Variants in GALNT14 observed in about 807,000 individuals in gnomAD.
GALNT14 encodes polypeptide N-acetylgalactosaminyltransferase 14.
Under a neutral mutation model 77.5 loss-of-function variants are expected in GALNT14, and 60 were observed. That is an observed-to-expected ratio of 0.77 (90% CI 0.63 to 0.96). The LOEUF is 0.96. Ranked by LOEUF, GALNT14 falls within the 40% of genes least tolerant of loss-of-function variation. GALNT14 has a pLI of 0.00. For synonymous variants in GALNT14, 280 were observed against 281.7 expected (o/e 0.99, Z 0.06); for missense variants, 710 against 731.0 (o/e 0.97, Z 0.33).
chr2:31,067,734 CACT>C (rs1675074230), intron 1 of GALNT14, among the ~76,000 whole-genome samples: 1 of 152,178 alleles, frequency 6.6e-6, no homozygotes, highest in Non-Finnish European at 1.5e-5. Flanking sequence ...CTGCTTCTAC[CACT>C]ATCAGCTCAC....
intron 1 of GALNT14, among the ~76,000 whole-genome samples, chr2:31,119,435 C>T (rs1678274841): frequency 6.6e-6 from 1 of 152,100 alleles, no homozygotes; most frequent in Non-Finnish European, 1.5e-5. Context: ...GGGCAAGATC[C>T]TTACATGCAA....
chr2:30,992,451 A>C (rs1365209229), intron 2 of GALNT14, among the ~76,000 whole-genome samples: 1 of 152,140 alleles, frequency 6.6e-6, no homozygotes, highest in African/African-American at 2.4e-5. Flanking sequence ...CCCAGGGTCC[A>C]ATCATCCTGC....
chr2:30,938,597 T>C (rs1007156434), intron 9 of GALNT14, among the ~76,000 whole-genome samples: 10 of 152,254 alleles, frequency 6.6e-5, no homozygotes, highest in Admixed American at 6.5e-4. Context: ...AATGCACATG[T>C]AATGATCAAA....
intron 2 of GALNT14, among the ~76,000 whole-genome samples, chr2:30,973,915 A>G (rs1277238415): frequency 2.0e-5 from 3 of 152,250 alleles, no homozygotes; most frequent in African/African-American, 7.2e-5. Context: ...TGAACATATT[A>G]TTAATTCCAG....
At position 30,932,094 on chromosome 2, in the gene GALNT14, AG is replaced by A; in HGVS notation, c.1031del (p.Pro344LeufsTer9). On this transcript the variant is annotated frameshift_variant, in exon 10 of 15. Coordinates refer to ENST00000349752, the MANE Select transcript of GALNT14 (RefSeq NM_024572.4). LOFTEE classifies it high-confidence loss of function. ...TTATATACGTGTTGGCATTTCCATC[AG>A]GGAAAACGTAGGGGTGCTTCTTCCG... ...VFRKKHPYVFPDGNANTYIKN... is the reference protein window; with the variant it reads ...VFRKKHPYVFXDGNANTYIKN... 1 of 1,574,818 alleles carries A rather than the reference AG, an allele frequency of 6.3e-7. No individual in the cohort carries two copies. Among genetic ancestry groups the A allele is most frequent in the Non-Finnish European group, 8.6e-7 (1 of 1,160,006 alleles).
intron 2 of GALNT14, among the ~76,000 whole-genome samples, chr2:30,969,448 T>C (rs182752898): frequency 6.6e-6 from 1 of 152,314 alleles, no homozygotes; most frequent in African/African-American, 2.4e-5. Flanking sequence ...GAGAGTTATC[T>C]CCTTTGAGAG....
chr2:31,020,477 G>A (rs1671649154), intron 1 of GALNT14, among the ~76,000 whole-genome samples: 1 of 152,210 alleles, frequency 6.6e-6, no homozygotes, highest in African/African-American at 2.4e-5. Context: ...AAAGTTGGGA[G>A]TGGGGCACAG....
intron 1 of GALNT14, among the ~76,000 whole-genome samples, chr2:31,108,757 G>T (rs1677690427): frequency 6.6e-6 from 1 of 152,206 alleles, no homozygotes; most frequent in Non-Finnish European, 1.5e-5. Flanking sequence ...GCTCTGTGAT[G>T]GCTGTCATGG....
rs181571733 is a variant in GALNT14 at position 30,946,283 on chromosome 2, A to T, written c.655-413T>A. The stretch of plus-strand genomic sequence containing the variant: ...CGGTTTGGATCTGTGTCCCCAATCA[A>T]ATCTCATGTCAAATTGCAGTCCCCA... On this transcript the variant is annotated intron_variant, in intron 6 of 14. Transcript: ENST00000349752. Among the ~76,000 whole-genome samples the T allele has an allele frequency of 2.2e-3, 331 of 152,298 alleles. 1 individual carries two copies. Among genetic ancestry groups the T allele is most frequent in the Non-Finnish European group, 4.0e-3 (271 of 68,014 alleles).
At chr2:31,110,347 C>T (rs1401790807) in intron 1 of GALNT14, among the ~76,000 whole-genome samples, 1 of 152,178 alleles carries the variant, frequency 6.6e-6, no homozygotes, top group African/African-American at 2.4e-5. Context: ...ATTCCAAAGG[C>T]TATGACTTCC....
intron 11 of GALNT14, among the ~76,000 whole-genome samples, chr2:30,925,121 G>C (rs1250738179): frequency 6.6e-6 from 1 of 152,204 alleles, no homozygotes; most frequent in African/African-American, 2.4e-5. Context: ...AAACAAAGCT[G>C]CAAGAACATT....
At chr2:31,009,426 T>C (rs1001447789) in intron 1 of GALNT14, among the ~76,000 whole-genome samples, 11 of 152,172 alleles carry the variant, frequency 7.2e-5, no homozygotes, top group South Asian at 2.1e-4. Context: ...TGATTTCTCA[T>C]TGTTGGAAGT....
At chr2:30,934,111 T>C (rs1300489931) in intron 9 of GALNT14, among the ~76,000 whole-genome samples, 1 of 152,180 alleles carries the variant, frequency 6.6e-6, no homozygotes, top group Non-Finnish European at 1.5e-5. Context: ...CTCCATAAAG[T>C]CCCACTGTAC....
At chr2:30,896,664 A>T in the GALNT14 span, among the ~76,000 whole-genome samples, 4 of 152,280 alleles carry the variant, frequency 2.6e-5, no homozygotes, top group Admixed American at 2.6e-4. Context: ...TGTGTTTTGC[A>T]ATTAAGAAAT....
chr2:31,089,363 G>T (rs543606966), intron 1 of GALNT14, among the ~76,000 whole-genome samples: 23 of 152,200 alleles, frequency 1.5e-4, no homozygotes, highest in African/African-American at 4.8e-4. Flanking sequence ...ATGCTGAGGA[G>T]GCTTAATAAT....
At chr2:30,911,089 C>G in intron 14 of GALNT14, 30 bp from the exon 15 acceptor site, 1 of 1,606,076 alleles carries the variant, frequency 6.2e-7, no homozygotes, top group Non-Finnish European at 8.5e-7. Context: ...AGTGAATGAA[C>G]TAGGTGCCAT....
chr2:30,966,407 G>A (rs892484160), intron 2 of GALNT14, 105 bp from the exon 3 acceptor site: 2 of 767,966 alleles, frequency 2.6e-6, no homozygotes, highest in African/African-American at 3.4e-5. Flanking sequence ...CCAGATGCTT[G>A]ATATCTAGAA....
At chr2:31,107,817 C>T (rs1194672274) in intron 1 of GALNT14, among the ~76,000 whole-genome samples, 1 of 151,998 alleles carries the variant, frequency 6.6e-6, no homozygotes, top group East Asian at 1.9e-4. Flanking sequence ...CAACATGGTG[C>T]TTTCCATGGT....
At chr2:31,065,347 C>T (rs1674874442) in intron 1 of GALNT14, 1 of 152,170 alleles carries the variant, frequency 6.6e-6, no homozygotes, top group African/African-American at 2.4e-5. Context: ...CCCAGTCCCT[C>T]CACTGATGGA....
Sources: allele counts gnomAD v4.1 joint callset (sites outside exome capture counted in the v4.1 genomes callset), GRCh38; gene constraint gnomAD v4.1.1; transcripts MANE v1.5; gene names NCBI Gene and HGNC (gene_info 2026-07-23, HGNC 2026-07-21).